The following CHD1 variants were observed in gnomAD, a reference collection of about 807,000 sequenced individuals.
CHD1 encodes the protein chromodomain helicase DNA binding protein 1.
CHD1 carries 36 observed loss-of-function variants against 224.2 expected under a neutral mutation model. The observed-to-expected ratio is 0.16, with a 90% confidence interval of 0.12 to 0.21. The LOEUF is 0.21. Among genes scored for constraint, CHD1 ranks in the 10% least tolerant of loss-of-function variants. The probability of loss-of-function intolerance (pLI) is 1.00; values close to 1 mark genes in which losing one functional copy is unlikely to be tolerated. For missense variants in CHD1, 1,378 were observed against 1,994.8 expected, an observed-to-expected ratio of 0.69 and a Z score of 5.89; for synonymous variants, 668 against 658.3, an observed-to-expected ratio of 1.01 and a Z score of -0.23.
intron 2 of CHD1, among the ~76,000 whole-genome samples, chr5:98,905,462 T>C (rs1751988921): frequency 1.3e-5 from 2 of 152,184 alleles, no homozygotes; most frequent in Non-Finnish European, 2.9e-5. Context: ...GCATGGTACC[T>C]ACCTTTATAA....
chr5:98,911,829 A>C (rs756980884), intron 2 of CHD1, among the ~76,000 whole-genome samples: 1 of 152,232 alleles, frequency 6.6e-6, no homozygotes, highest in Non-Finnish European at 1.5e-5. Flanking sequence ...AAAGACAAAG[A>C]AAGAGGAACT....
chr5:98,873,282 T>C (rs1297910187), intron 26 of CHD1, among the ~76,000 whole-genome samples: 1 of 152,174 alleles, frequency 6.6e-6, no homozygotes, highest in East Asian at 1.9e-4. Context: ...ATAGATACTA[T>C]ACATATTGTA....
rs1203358126 is a variant in CHD1 at position 98,856,563 on chromosome 5, C to T, written c.4950G>A (p.Thr1650=). ...TATAATCCCTGGAAGATTTATGGTG[C>T]GTATATTCAGAACTTGACCGGTGGT... is the stretch of plus-strand genomic sequence containing the variant. ...HSDHRSSSEY[T]HHKSSRDYRY... Residue 1650 remains threonine (T), a synonymous_variant, in exon 36 of 36, where the codon ACG becomes ACA. Coordinates refer to ENST00000614616, the MANE Select transcript of CHD1 (RefSeq NM_001270.4). 2.5e-6 allele frequency: 4 copies of T among 1,613,668 alleles called. No homozygotes were observed. Among genetic ancestry groups the T allele is most frequent in the Middle Eastern group, 1.6e-4 (1 of 6,062 alleles).
chr5:98,920,090 T>C (rs1001470617), intron 2 of CHD1, among the ~76,000 whole-genome samples: 2 of 152,068 alleles, frequency 1.3e-5, no homozygotes, highest in Non-Finnish European at 2.9e-5. Context: ...ATACCTATTA[T>C]ACATAAATAT....
At chr5:98,872,649 A>T in intron 26 of CHD1, 94 bp from the exon 27 acceptor site, 1 of 1,024,888 alleles carries the variant, frequency 9.8e-7, no homozygotes, top group Non-Finnish European at 1.5e-6. Context: ...ATGTTATTTA[A>T]CAATAAGTAT....
At chr5:98,909,033 TCCA>T (rs1211027310) in intron 2 of CHD1, among the ~76,000 whole-genome samples, 1 of 152,122 alleles carries the variant, frequency 6.6e-6, no homozygotes, top group Non-Finnish European at 1.5e-5. Context: ...ATCACCCAGC[TCCA>T]CAATTAGCAA....
chr5:98,887,880 G>C (rs1750754349), intron 17 of CHD1, among the ~76,000 whole-genome samples: 1 of 152,042 alleles, frequency 6.6e-6, no homozygotes, highest in African/African-American at 2.4e-5. Context: ...AAAATCACAG[G>C]AAAGGAAGAA....
intron 31 of CHD1, among the ~76,000 whole-genome samples, chr5:98,865,421 C>T (rs1561482130): frequency 1.3e-5 from 2 of 152,204 alleles, no homozygotes; most frequent in African/African-American, 2.4e-5. Flanking sequence ...GTCATGATTA[C>T]TCTGGTTGCT....
intron 1 of CHD1, among the ~76,000 whole-genome samples, 183 bp downstream of exon 1, chr5:98,928,356 T>G (rs1020371548): frequency 6.6e-6 from 1 of 151,988 alleles, no homozygotes; most frequent in Non-Finnish European, 1.5e-5. Context: ...CCCCGGCCTG[T>G]ACTCGCCGCT....
intron 2 of CHD1, 123 bp from the exon 3 acceptor site, chr5:98,905,221 GC>G (rs780175157): frequency 3.5e-6 from 4 of 1,158,530 alleles, no homozygotes; most frequent in Non-Finnish European, 4.8e-6. Context: ...ACTATCTTTG[GC>G]CAAAAAAAAG....
Position 98,904,287 on chromosome 5 carries a change from G to A in CHD1, c.256-379C>T, listed in dbSNP as rs191104863. Among the ~76,000 whole-genome samples, 11 of 152,242 alleles carry A rather than the reference G, an allele frequency of 7.2e-5. No individual in the cohort carries two copies. In the East Asian group the frequency reaches 1.7e-3, roughly 24 times the overall value. On this transcript the variant is annotated intron_variant, in intron 3 of 35. Transcript: ENST00000614616. ...GTTTTAGCTCAGATTTGAGCGGGGG[G>A]CCGGTAGCAACATTTTTCTCTATGA...
In CHD1 at chr5:98,888,140, C is replaced by T. The variant is rs201318150; in HGVS notation, c.2444G>A (p.Arg815Gln). The T allele has an allele frequency of 4.4e-6, 7 of 1,608,868 alleles. No individual in the cohort carries two copies. The highest frequency in any genetic ancestry group is 8.5e-7 in the Non-Finnish European group (1 of 1,176,292). The change falls in exon 17 of 36, where the codon CGG (arginine) becomes CAG (glutamine). Residue 815 changes from arginine (R) to glutamine (Q), a missense_variant. By Grantham distance (43) the Arg-to-Gln change is conservative. Transcript: ENST00000614616. ...NRVLIFSQMV[R>Q]MLDILAEYLK... ...ATATTCTGCAAGTATATCTAACATC[C>T]GCACCATTTGTGAAAAAATAAGAAC...
At chr5:98,884,051 A>G (rs1184166669) in intron 18 of CHD1, among the ~76,000 whole-genome samples, 2 of 147,380 alleles carry the variant, frequency 1.4e-5, no homozygotes, top group Non-Finnish European at 3.0e-5. Context: ...CATGTTGGCC[A>G]GGCTGGTCTC....
Position 98,856,318 on chromosome 5 carries a change from C to T in CHD1, c.*62G>A. ...TCTTTCAAGTCATGTAAGGCAATTA[C>T]TGTGTTGGTTTATGATATATGGCTA... On this transcript the variant is annotated 3_prime_UTR_variant, in exon 36 of 36. Transcript: ENST00000614616. 8.3e-7 allele frequency: 1 copy of T among 1,199,288 alleles called. No homozygotes were observed. Among genetic ancestry groups the T allele is most frequent in the Non-Finnish European group, 1.2e-6 (1 of 824,390 alleles). The allele number at this position is 1,199,288 out of a possible 1,614,324, so 74.3% of individuals were successfully genotyped here.
chr5:98,905,808 T>A (rs1207839729), intron 2 of CHD1, among the ~76,000 whole-genome samples: 1 of 152,182 alleles, frequency 6.6e-6, no homozygotes, highest in African/African-American at 2.4e-5. Context: ...CTATCCTTTT[T>A]TCCATTTCTA....
rs776875520 is a variant in CHD1 at position 98,881,278 on chromosome 5, C to G, written c.2964+1G>C. 1.2e-6 allele frequency: 1 copy of G among 829,146 alleles called. No individual in the cohort carries two copies. The allele number at this position is 829,146 out of a possible 1,614,324, so 51.4% of individuals were successfully genotyped here. On this transcript the variant is annotated splice_donor_variant, in intron 21 of 35. Coordinates refer to ENST00000614616, the MANE Select transcript of CHD1 (RefSeq NM_001270.4). LOFTEE classifies it high-confidence loss of function. ...TTTTTTTTTTTTTTTTTTTTTTTTA[C>G]CTGGGGCTCTTGTTCTTCTCCTTCA... is the stretch of plus-strand genomic sequence containing the variant.
Position 98,898,578 on chromosome 5 carries a change from T to C in CHD1, c.1186+86A>G, listed in dbSNP as rs548726206. 3.3e-6 allele frequency: 4 copies of C among 1,216,766 alleles called. No individual in the cohort carries two copies. In the South Asian group the frequency reaches 5.8e-5, roughly 18 times the overall value. 75.4% of individuals were successfully genotyped at this position (1,216,766 alleles called of 1,614,324 possible). On this transcript the variant is annotated intron_variant, in intron 9 of 35. Coordinates refer to ENST00000614616, the MANE Select transcript of CHD1 (RefSeq NM_001270.4). Reference sequence around the variant, plus strand: ...TTTTAGTAAGAGCAAGCTACTGTGTTTGATATGTAAGTGGCAAACTTATGA... The same window carrying C: ...TTTTAGTAAGAGCAAGCTACTGTGTCTGATATGTAAGTGGCAAACTTATGA...
chr5:98,869,976 T>C, intron 29 of CHD1, 94 bp from the exon 30 acceptor site: 1 of 860,626 alleles, frequency 1.2e-6, no homozygotes, highest in Non-Finnish European at 1.8e-6. Flanking sequence ...CACATATTCC[T>C]ACCTGATCCT....
chr5:98,926,511 T>C lies in CHD1; in HGVS notation c.-125A>G. The C allele has an allele frequency of 2.1e-6, 1 of 469,440 alleles. No homozygotes were observed. The highest frequency in any genetic ancestry group is 3.6e-5 in the East Asian group (1 of 28,156). 29.1% of individuals were successfully genotyped at this position (469,440 alleles called of 1,614,324 possible). On this transcript the variant is annotated 5_prime_UTR_variant, in exon 2 of 36. Transcript: ENST00000614616. ...GAATTTTCTTCAACAGTCACAGGTT[T>C]TCTGGGACTCTCCTTTGATTCACCT...
Sources: gnomAD v4.1 joint callset for allele counts (sites outside exome capture counted in the v4.1 genomes callset) on GRCh38, gnomAD v4.1.1 for gene constraint, MANE v1.5 for transcripts, NCBI Gene and HGNC (gene_info 2026-07-23, HGNC 2026-07-21) for gene names.